YWHAQ: variants seen among roughly 807,000 people sequenced by gnomAD.
The protein encoded by YWHAQ is tyrosine 3-monooxygenase/tryptophan 5-monooxygenase activation protein theta, also known as 14-3-3 protein theta.
In YWHAQ, 6 loss-of-function variants were observed where a neutral mutation model predicts 28.3. That is an observed-to-expected ratio of 0.21 (90% CI 0.12 to 0.42). The LOEUF (loss-of-function observed/expected upper bound fraction) is 0.42. Ranked by LOEUF, YWHAQ falls within the 10% of genes least tolerant of loss-of-function variation. The pLI is 1.00. For missense variants in YWHAQ, 201 were observed against 305.6 expected (o/e 0.66, Z 2.55); for synonymous variants, 143 against 119.1 (o/e 1.20, Z -1.31).
chr2:9,590,152 G>A (rs1666429535), intron 3 of YWHAQ, among the ~76,000 whole-genome samples: 1 of 152,206 alleles, frequency 6.6e-6, no homozygotes, highest in African/African-American at 2.4e-5. Context: ...AGACCTGAAA[G>A]TGCCAATGAG....
intron 2 of YWHAQ, among the ~76,000 whole-genome samples, chr2:9,601,651 T>C (rs926430767): frequency 1.3e-5 from 2 of 151,728 alleles, no homozygotes; most frequent in East Asian, 3.9e-4. Context: ...CTTAAGATTG[T>C]TTTTTTTTTT....
At chr2:9,602,052 A>T (rs1666704924) in intron 2 of YWHAQ, among the ~76,000 whole-genome samples, 1 of 152,194 alleles carries the variant, frequency 6.6e-6, no homozygotes, top group African/African-American at 2.4e-5. Flanking sequence ...CCAAAAAATA[A>T]AGCAACTTTA....
At chr2:9,614,271 TCATTTAACAA>T (rs1210696582) in intron 2 of YWHAQ, among the ~76,000 whole-genome samples, 6 of 152,216 alleles carry the variant, frequency 3.9e-5, no homozygotes, top group Non-Finnish European at 8.8e-5. Context: ...TACATCACCA[TCATTTAACAA>T]CATTTCCAGG....
chr2:9,624,245 G>C (rs944564372), intron 2 of YWHAQ, among the ~76,000 whole-genome samples: 1 of 152,180 alleles, frequency 6.6e-6, no homozygotes, highest in African/African-American at 2.4e-5. Flanking sequence ...CACAGAGCCA[G>C]ACTCTGTCTC....
chr2:9,595,986 T>C (rs1666562625), intron 2 of YWHAQ, among the ~76,000 whole-genome samples: 2 of 152,146 alleles, frequency 1.3e-5, no homozygotes. Flanking sequence ...ACTAGTAATT[T>C]GGAACACTCT....
Position 9,630,659 on chromosome 2 carries a change from C to T in YWHAQ, c.-82-125G>A, listed in dbSNP as rs1456137134. 20 of 450,048 alleles carry T rather than the reference C, an allele frequency of 4.4e-5. No individual in the cohort carries two copies. The highest frequency in any genetic ancestry group is 7.7e-5 in the East Asian group (2 of 25,906). 27.9% of individuals were successfully genotyped at this position (450,048 alleles called of 1,614,324 possible). A position where few individuals can be genotyped will look rare whatever the true frequency, so the allele number is the denominator to read the frequency against. On this transcript the variant is annotated intron_variant, in intron 1 of 5. Transcript: ENST00000238081. The surrounding 1 kb of genome is among the most constrained non-coding windows in gnomAD (Gnocchi z 5.6). Reference sequence around the variant, plus strand: ...CCGCTTGAATTTCCCTCTCCCCCGCCCCCTCCCCCGCTGGGCACCCGGGGA... The same window carrying T: ...CCGCTTGAATTTCCCTCTCCCCCGCTCCCTCCCCCGCTGGGCACCCGGGGA...
chr2:9,605,975 G>A (rs1440642718), intron 2 of YWHAQ, among the ~76,000 whole-genome samples: 3 of 152,022 alleles, frequency 2.0e-5, no homozygotes, highest in South Asian at 4.1e-4. Flanking sequence ...TTTAGTAAGC[G>A]CTCTGAGATA....
intron 3 of YWHAQ, among the ~76,000 whole-genome samples, chr2:9,589,489 A>C (rs1283811092): frequency 6.6e-6 from 1 of 152,174 alleles, no homozygotes; most frequent in African/African-American, 2.4e-5. Flanking sequence ...GAGGCTAGGC[A>C]CAAGCCTCAC....
intron 3 of YWHAQ, 68 bp downstream of exon 3, chr2:9,591,324 T>C (rs781417057): frequency 9.6e-6 from 15 of 1,560,130 alleles, no homozygotes; most frequent in East Asian, 2.3e-5. Flanking sequence ...TATACTGTCA[T>C]AGTGTCCCAT....
Position 9,587,105 on chromosome 2 carries a change from G to C in YWHAQ, c.678+309C>G, listed in dbSNP as rs539684362. ...AGATAGTCCCTAACTGGCTATAGCT[G>C]ATTTGCCCCAAAATATTGAAACTTG... On this transcript the variant is annotated intron_variant, in intron 5 of 5. Transcript: ENST00000238081. Among the ~76,000 whole-genome samples the C allele has an allele frequency of 1.2e-4, 18 of 152,268 alleles. No homozygotes were observed. In the South Asian group the frequency reaches 3.5e-3, roughly 30 times the overall value.
chr2:9,596,789 C>T (rs1468121702), intron 2 of YWHAQ, among the ~76,000 whole-genome samples: 4 of 151,968 alleles, frequency 2.6e-5, no homozygotes, highest in African/African-American at 4.8e-5. Context: ...CTGCATCCTT[C>T]GCCTCCCGGT....
intron 2 of YWHAQ, among the ~76,000 whole-genome samples, chr2:9,625,375 A>G (rs566425820): frequency 1.3e-4 from 20 of 152,298 alleles, no homozygotes; most frequent in Admixed American, 1.0e-3. Flanking sequence ...TATTGTGTGT[A>G]TAAGAAAGTC....
intron 2 of YWHAQ, among the ~76,000 whole-genome samples, chr2:9,627,822 C>T (rs1667279094): frequency 6.6e-6 from 1 of 152,202 alleles, no homozygotes; most frequent in East Asian, 1.9e-4. Flanking sequence ...CACACCGACA[C>T]ACTGTTCCCC....
rs542135705 is a variant in YWHAQ at position 9,600,337 on chromosome 2, G to C, written c.295-8822C>G. ...AGTTGATAGAGCAGTGGCAGGGTTTGAGAGGATTGCCTCTGATTTTGAAAG... is the reference window on the plus strand; with the variant it reads ...AGTTGATAGAGCAGTGGCAGGGTTTCAGAGGATTGCCTCTGATTTTGAAAG... On this transcript the variant is annotated intron_variant, in intron 2 of 5. Transcript: ENST00000238081. 2.6e-5 allele frequency among the ~76,000 whole-genome samples: 4 copies of C among 152,354 alleles called. No individual in the cohort carries two copies. The South Asian group carries it at 8.3e-4, about 32-fold the overall frequency.
intron 3 of YWHAQ, among the ~76,000 whole-genome samples, 189 bp from the exon 4 acceptor site, chr2:9,588,517 T>TC (rs1666393942): frequency 6.6e-6 from 1 of 152,168 alleles, no homozygotes; most frequent in Non-Finnish European, 1.5e-5. Flanking sequence ...ACGCCTATAA[T>TC]CCCAGCACTT....
chr2:9,584,751 T>C lies in YWHAQ; in HGVS notation c.*535A>G, dbSNP rs1459500600. On this transcript the variant is annotated 3_prime_UTR_variant, in exon 6 of 6. Coordinates refer to ENST00000238081, the MANE Select transcript of YWHAQ (RefSeq NM_006826.4). ...GTGATACAGGAGCCATTTCAATTTG[T>C]GACCCCTAGACAGAGATGGCAAGTG... 6.5e-6 allele frequency: 1 copy of C among 153,034 alleles called. No homozygotes were observed. The highest frequency in any genetic ancestry group is 1.5e-5 in the Non-Finnish European group (1 of 68,372). The allele number at this position is 153,034 out of a possible 1,614,324, so 9.5% of individuals were successfully genotyped here.
chr2:9,602,849 AAAAAAAAAAAAAAATATAT>A (rs1666731786), intron 2 of YWHAQ, among the ~76,000 whole-genome samples: 5 of 16,802 alleles, frequency 3.0e-4, no homozygotes, highest in African/African-American at 1.0e-3. Flanking sequence ...AAAAAAAAAA[AAAAAAAAAAAAAAATATAT>A]ATATATATAT....
chr2:9,607,246 G>A (rs1053319975), intron 2 of YWHAQ, among the ~76,000 whole-genome samples: 2 of 149,396 alleles, frequency 1.3e-5, no homozygotes, highest in African/African-American at 2.5e-5. Context: ...TGTTGCCCAG[G>A]CTGGAGTGCA....
At chr2:9,606,394 C>T (rs957642075) in intron 2 of YWHAQ, among the ~76,000 whole-genome samples, 4 of 147,284 alleles carry the variant, frequency 2.7e-5, no homozygotes, top group Admixed American at 6.8e-5. Flanking sequence ...GGTGAAACCC[C>T]GTCTCTACTA....
Sources: allele counts gnomAD v4.1 joint callset (sites outside exome capture counted in the v4.1 genomes callset), GRCh38; gene constraint gnomAD v4.1.1; non-coding constraint Gnocchi (gnomAD v3.1); transcripts MANE v1.5; gene names NCBI Gene and HGNC (gene_info 2026-07-23, HGNC 2026-07-21).